LMNB1: variants seen among roughly 807,000 people sequenced by gnomAD.
LMNB1 encodes lamin-B1.
Under a neutral mutation model 67.1 loss-of-function variants are expected in LMNB1, and 23 were observed. That is an observed-to-expected ratio of 0.34 (90% CI 0.25 to 0.49). The LOEUF is 0.49. LMNB1 is among the 20% of genes least tolerant of loss of function. The pLI is 0.99. For synonymous variants in LMNB1, 281 were observed against 282.9 expected (o/e 0.99, Z 0.07); for missense variants, 634 against 746.5 (o/e 0.85, Z 1.76).
rs1580518352 is a variant in LMNB1 at position 126,777,847 on chromosome 5, A to G, written c.339A>G (p.Glu113=). The change falls in exon 1 of 11, where the codon GAA becomes GAG. Residue 113 remains glutamate (E), a synonymous_variant. Coordinates refer to ENST00000261366, the MANE Select transcript of LMNB1 (RefSeq NM_005573.4). Reference sequence around the variant, plus strand: ...TCGAGCTGGGCAAGTGCAAGGCGGAACACGACCAGCTGCTCCTCAAGTGAG... The same window carrying G: ...TCGAGCTGGGCAAGTGCAAGGCGGAGCACGACCAGCTGCTCCTCAAGTGAG... The part of the protein sequence containing the change: ...LQIELGKCKA[E]HDQLLLNYAK... 2.1e-6 allele frequency: 3 copies of G among 1,442,096 alleles called. No individual in the cohort carries two copies. Among genetic ancestry groups the G allele is most frequent in the Non-Finnish European group, 2.7e-6 (3 of 1,095,416 alleles). 89.3% of individuals were successfully genotyped at this position (1,442,096 alleles called of 1,614,324 possible). A position where few individuals can be genotyped will look rare whatever the true frequency, so the allele number is the denominator to read the frequency against.
intron 1 of LMNB1, among the ~76,000 whole-genome samples, chr5:126,786,210 T>C (rs1750777424): frequency 6.8e-6 from 1 of 147,270 alleles, no homozygotes; most frequent in Non-Finnish European, 1.5e-5. Flanking sequence ...GCAGGCTCCA[T>C]CTCTTGAGTT....
chr5:126,830,591 T>C (rs1448779198), intron 9 of LMNB1, among the ~76,000 whole-genome samples: 1 of 152,192 alleles, frequency 6.6e-6, no homozygotes, highest in African/African-American at 2.4e-5. Context: ...AAAGTAGTTA[T>C]GTTAAGGTAA....
intron 1 of LMNB1, among the ~76,000 whole-genome samples, chr5:126,795,427 C>G (rs917186687): frequency 6.6e-6 from 1 of 151,792 alleles, no homozygotes; most frequent in African/African-American, 2.4e-5. Context: ...CATGAACCAC[C>G]GGGCCTGGCC....
intron 3 of LMNB1, among the ~76,000 whole-genome samples, chr5:126,806,287 G>A (rs1360432025): frequency 6.6e-6 from 1 of 152,216 alleles, no homozygotes; most frequent in East Asian, 1.9e-4. Flanking sequence ...CTTGGTCACA[G>A]CAGCTAATTA....
intron 5 of LMNB1, among the ~76,000 whole-genome samples, chr5:126,813,279 G>A (rs983192631): frequency 3.3e-5 from 5 of 152,260 alleles, no homozygotes; most frequent in African/African-American, 1.2e-4. Context: ...TGCTGATAGT[G>A]TTTTGAAGAT....
intron 1 of LMNB1, among the ~76,000 whole-genome samples, chr5:126,789,517 T>C (rs2973588): frequency 0.3 from 45,269 of 151,852 alleles, 6,879 homozygotes; most frequent in South Asian, 0.39. Context: ...TTATCCTACC[T>C]AAAAGTTCTT....
chr5:126,799,558 C>T (rs1225885191), intron 1 of LMNB1, among the ~76,000 whole-genome samples: 1 of 152,174 alleles, frequency 6.6e-6, no homozygotes, highest in Non-Finnish European at 1.5e-5. Flanking sequence ...GGTGACATGG[C>T]CTAGTGCCTG....
At chr5:126,785,569 T>C (rs891306574) in intron 1 of LMNB1, among the ~76,000 whole-genome samples, 13 of 134,134 alleles carry the variant, frequency 9.7e-5, no homozygotes, top group African/African-American at 3.3e-4. Flanking sequence ...AATATCTGCC[T>C]GCCTCAGCCT....
chr5:126,810,134 A>AGCC, intron 3 of LMNB1, 46 bp from the exon 4 acceptor site: 1 of 1,558,282 alleles, frequency 6.4e-7, no homozygotes, highest in African/African-American at 1.3e-5. Flanking sequence ...GTACCAATGC[A>AGCC]GCCATGGTAA....
chr5:126,800,982 A>ATATATATATATATAATTTTTTTT, intron 1 of LMNB1, among the ~76,000 whole-genome samples: 2 of 18,636 alleles, frequency 1.1e-4, no homozygotes, highest in African/African-American at 1.7e-4. Context: ...TATATATATA[A>ATATATATATATATAATTTTTTTT]TTTTTTTTTT....
Position 126,783,187 on chromosome 5 carries a change from G to A in LMNB1, c.359+5320G>A, listed in dbSNP as rs558756543. Among the ~76,000 whole-genome samples the A allele has an allele frequency of 3.9e-5, 6 of 152,014 alleles. No individual in the cohort carries two copies. The South Asian group carries it at 8.3e-4, about 21-fold the overall frequency. On this transcript the variant is annotated intron_variant, in intron 1 of 10. Coordinates refer to ENST00000261366, the MANE Select transcript of LMNB1 (RefSeq NM_005573.4). ...TGCACTCCAGCTTGGGCGACAGAGC[G>A]AGACTCTGTCTCAAAAACAAAAACA...
At chr5:126,824,409 A>G (rs1751941914) in intron 8 of LMNB1, among the ~76,000 whole-genome samples, 2 of 152,152 alleles carry the variant, frequency 1.3e-5, no homozygotes, top group Non-Finnish European at 2.9e-5. Context: ...ATGTTTAGCT[A>G]AGTCTTCAAA....
chr5:126,822,735 T>A (rs1312960393), intron 7 of LMNB1, 46 bp from the exon 8 acceptor site: 2 of 1,161,554 alleles, frequency 1.7e-6, no homozygotes, highest in South Asian at 1.3e-5. Flanking sequence ...TCCACAACTT[T>A]CTTTATCTTT....
rs181416469 is a variant in LMNB1, at chr5:126,818,703, T to C, written c.940-219T>C. Among the ~76,000 whole-genome samples the C allele has an allele frequency of 2.6e-4, 39 of 152,362 alleles. No individual in the cohort carries two copies. The East Asian group carries it at 4.4e-3, about 17-fold the overall frequency. ...ATTTACAGAACTTACATTTGTGGAA[T>C]ATGTCTTTTATTCTTTTATCAGCCA... On this transcript the variant is annotated intron_variant, in intron 5 of 10. Transcript: ENST00000261366.
At position 126,800,982 on chromosome 5, in the gene LMNB1, A is replaced by AT. The variant is rs57114367; in HGVS notation, c.360-3776dup. Reference sequence around the variant, plus strand: ...ATATATATATATATATATATATATAATTTTTTTTTTTTTTTTTTGGTGGTA... The same window carrying AT: ...ATATATATATATATATATATATATAATTTTTTTTTTTTTTTTTTTGGTGGTA... On this transcript the variant is annotated intron_variant, in intron 1 of 10. Transcript: ENST00000261366. Among the ~76,000 whole-genome samples, 43 of 18,610 alleles carry AT rather than the reference A, an allele frequency of 2.3e-3. 2 individuals are homozygous for AT. Among genetic ancestry groups the AT allele is most frequent in the East Asian group, 4.5e-3 (3 of 664 alleles). 12.2% of individuals were successfully genotyped at this position (18,610 alleles called of 152,430 possible). A position where few individuals can be genotyped will look rare whatever the true frequency, so the allele number is the denominator to read the frequency against.
intron 1 of LMNB1, among the ~76,000 whole-genome samples, chr5:126,784,020 T>A (rs1750698170): frequency 7.3e-6 from 1 of 137,274 alleles, no homozygotes; most frequent in Admixed American, 7.3e-5. Flanking sequence ...TTTGATTTTT[T>A]TTTTTTTTTT....
chr5:126,804,463 T>A (rs1299346350), intron 1 of LMNB1, among the ~76,000 whole-genome samples: 1 of 152,182 alleles, frequency 6.6e-6, no homozygotes, highest in Admixed American at 6.5e-5. Context: ...TTCAAAAATA[T>A]CCTGTGTTAG....
chr5:126,826,225 G>A, intron 9 of LMNB1, 118 bp downstream of exon 9: 1 of 1,190,070 alleles, frequency 8.4e-7, no homozygotes, highest in African/African-American at 1.5e-5. Context: ...GACCAAAGCT[G>A]CTAAGTTAAT....
Position 126,804,671 on chromosome 5 carries a change from G to T in LMNB1, c.360-105G>T, listed in dbSNP as rs946394184. 3.0e-6 allele frequency: 3 copies of T among 1,005,778 alleles called. 1 individual carries two copies. Among genetic ancestry groups the T allele is most frequent in the East Asian group, 5.3e-5 (2 of 37,878 alleles). The allele number at this position is 1,005,778 out of a possible 1,614,324, so 62.3% of individuals were successfully genotyped here. A position where few individuals can be genotyped will look rare whatever the true frequency, so the allele number is the denominator to read the frequency against. On this transcript the variant is annotated intron_variant, in intron 1 of 10. Coordinates refer to ENST00000261366, the MANE Select transcript of LMNB1 (RefSeq NM_005573.4). ...TCTCTAATTTTGATAGGTGATGGGA[G>T]CCTTTATTTAAACTACTTCTTTTGT...
Sources: gnomAD v4.1 joint callset for allele counts (sites outside exome capture counted in the v4.1 genomes callset) on GRCh38, gnomAD v4.1.1 for gene constraint, MANE v1.5 for transcripts, NCBI Gene and HGNC (gene_info 2026-07-23, HGNC 2026-07-21) for gene names.